Variants in PAM observed in about 807,000 individuals in gnomAD.
The protein encoded by PAM is peptidyl-glycine alpha-amidating monooxygenase.
A neutral mutation model predicts 122.1 loss-of-function variants in PAM; 72 were observed. The ratio of observed to expected loss-of-function variants is 0.59; its 90% CI spans 0.49 to 0.72. The LOEUF (loss-of-function observed/expected upper bound fraction) is 0.72. PAM is among the 30% of genes least tolerant of loss of function. The probability of loss-of-function intolerance (pLI) is 0.00; values close to 1 mark genes in which losing one functional copy is unlikely to be tolerated. For missense variants in PAM, 1,106 were observed against 1,183.7 expected (o/e 0.93, Z 0.96); for synonymous variants, 389 against 404.4 (o/e 0.96, Z 0.46).
intron 1 of PAM, among the ~76,000 whole-genome samples, chr5:102,816,672 C>T (rs1769919556): frequency 6.6e-6 from 1 of 152,122 alleles, no homozygotes. Flanking sequence ...GGTTTTCCTT[C>T]ACCCTAACTC....
In PAM at chr5:103,019,862, AT is replaced by A; in HGVS notation, c.2485+21del. ...ATCAAAGGTTGGTCAGATTCCTCTT[AT>A]TACTATAAAACCAAAGTCTGGCTGT... On this transcript the variant is annotated intron_variant, in intron 23 of 25. Transcript: ENST00000438793. 1 of 1,534,268 alleles carries A rather than the reference AT, an allele frequency of 6.5e-7. No individual in the cohort carries two copies. Among genetic ancestry groups the A allele is most frequent in the Non-Finnish European group, 9.0e-7 (1 of 1,107,384 alleles).
intron 1 of PAM, among the ~76,000 whole-genome samples, chr5:102,833,128 G>A (rs1775925327): frequency 6.6e-6 from 1 of 152,096 alleles, no homozygotes; most frequent in African/African-American, 2.4e-5. Flanking sequence ...ACTGAAAAGA[G>A]AGAAAAAGTG....
chr5:102,784,650 G>T (rs937768031), intron 1 of PAM, among the ~76,000 whole-genome samples: 1 of 152,090 alleles, frequency 6.6e-6, no homozygotes, highest in Non-Finnish European at 1.5e-5. Context: ...ATGTAGAATT[G>T]AATTAAAAAT....
At chr5:102,780,825 TTCTTTCTTTCTC>T (rs1186378094) in intron 1 of PAM, among the ~76,000 whole-genome samples, 27 of 109,862 alleles carry the variant, frequency 2.5e-4, no homozygotes, top group African/African-American at 7.8e-4. Context: ...CTTTCTTTCT[TTCTTTCTTTCTC>T]TGTCTTTCTC....
At chr5:102,977,368 C>G (rs959035288) in intron 15 of PAM, among the ~76,000 whole-genome samples, 4 of 152,142 alleles carry the variant, frequency 2.6e-5, no homozygotes, top group African/African-American at 9.7e-5. Flanking sequence ...TGACTTAGCC[C>G]AGCTGAGAAA....
intron 1 of PAM, among the ~76,000 whole-genome samples, chr5:102,795,390 T>G (rs1382145976): frequency 6.6e-6 from 1 of 152,124 alleles, no homozygotes; most frequent in African/African-American, 2.4e-5. Flanking sequence ...TGTTTTAAAC[T>G]GCTGTCTAAC....
chr5:102,852,912 T>A (rs751150199), intron 1 of PAM, among the ~76,000 whole-genome samples: 4 of 152,240 alleles, frequency 2.6e-5, no homozygotes, highest in South Asian at 2.1e-4. Context: ...TAAGGTACAT[T>A]TCTTGTCCGT....
intron 3 of PAM, among the ~76,000 whole-genome samples, chr5:102,892,265 C>G (rs1379703151): frequency 6.6e-6 from 1 of 151,832 alleles, no homozygotes; most frequent in African/African-American, 2.4e-5. Context: ...GAAATAAAGG[C>G]AACATGCTGA....
At chr5:102,777,287 G>T (rs1242829055) in intron 1 of PAM, among the ~76,000 whole-genome samples, 3 of 152,012 alleles carry the variant, frequency 2.0e-5, no homozygotes, top group Non-Finnish European at 4.4e-5. Context: ...TGACTATGCT[G>T]TTTAAAATTG....
chr5:102,830,041 G>T (rs1774973749), intron 1 of PAM, among the ~76,000 whole-genome samples: 1 of 152,142 alleles, frequency 6.6e-6, no homozygotes, highest in African/African-American at 2.4e-5. Flanking sequence ...ATGTTTTGGG[G>T]GTCTACCTGC....
chr5:102,855,570 A>G (rs1433079812), intron 1 of PAM, among the ~76,000 whole-genome samples: 1 of 152,198 alleles, frequency 6.6e-6, no homozygotes, highest in African/African-American at 2.4e-5. Context: ...GAGAATACTT[A>G]TTTTGTAACT....
chr5:102,799,903 T>G (rs1346372333), intron 1 of PAM, among the ~76,000 whole-genome samples: 1 of 152,212 alleles, frequency 6.6e-6, no homozygotes, highest in African/African-American at 2.4e-5. Context: ...AAGGTGAGGA[T>G]GGAGAGATTG....
intron 16 of PAM, among the ~76,000 whole-genome samples, chr5:102,998,002 C>G (rs1452431106): frequency 6.6e-6 from 1 of 152,178 alleles, no homozygotes; most frequent in African/African-American, 2.4e-5. Context: ...CTCTGAGACT[C>G]TAATCTTACA....
chr5:102,828,898 T>G (rs1187744903), intron 1 of PAM, among the ~76,000 whole-genome samples: 2 of 149,982 alleles, frequency 1.3e-5, no homozygotes, highest in Non-Finnish European at 3.0e-5. Context: ...CATTTGCATA[T>G]AAGAAATTCC....
At chr5:103,019,761 T>C (rs1432990598) in intron 22 of PAM, 29 bp from the exon 23 acceptor site, 2 of 1,510,878 alleles carry the variant, frequency 1.3e-6, no homozygotes, top group Non-Finnish European at 1.8e-6. Flanking sequence ...AGATTCTGAC[T>C]TTTCTCTCTC....
rs746533605 is a variant in PAM, at chr5:102,819,045, G to A, written c.-373-46778G>A. Reference sequence around the variant, plus strand: ...AGTGAGAGGGCGAAAGAGAATAACTGAGCTGGGAGGATACAAAACAGAAAG... The same window carrying A: ...AGTGAGAGGGCGAAAGAGAATAACTAAGCTGGGAGGATACAAAACAGAAAG... On this transcript the variant is annotated intron_variant, in intron 1 of 25. Coordinates refer to ENST00000438793, the MANE Select transcript of PAM (RefSeq NM_001177306.2). Among the ~76,000 whole-genome samples, 3 of 152,242 alleles carry A rather than the reference G, an allele frequency of 2.0e-5. No homozygotes were observed. The East Asian group carries it at 5.8e-4, about 29-fold the overall frequency.
chr5:102,879,616 C>G (rs1790324883), intron 3 of PAM, among the ~76,000 whole-genome samples: 1 of 152,104 alleles, frequency 6.6e-6, no homozygotes, highest in South Asian at 2.1e-4. Flanking sequence ...GTGCCTACTC[C>G]CCTTTTGCCA....
rs147031366 is a variant in PAM at position 102,806,778 on chromosome 5, C to T, written c.-374+51430C>T. Reference sequence around the variant, plus strand: ...TATGTTTTTGTGAGGGCTGACTTTACTGTTTTGCTTTCAGAATTTTTTCTA... The same window carrying T: ...TATGTTTTTGTGAGGGCTGACTTTATTGTTTTGCTTTCAGAATTTTTTCTA... On this transcript the variant is annotated intron_variant, in intron 1 of 25. Coordinates refer to ENST00000438793, the MANE Select transcript of PAM (RefSeq NM_001177306.2). Among the ~76,000 whole-genome samples, 1,313 of 152,282 alleles carry T rather than the reference C, an allele frequency of 8.6e-3. 19 individuals are homozygous for T. Among genetic ancestry groups the T allele is most frequent in the African/African-American group, 0.03 (1,239 of 41,560 alleles).
At chr5:102,946,065 A>G (rs1756938892) in intron 7 of PAM, among the ~76,000 whole-genome samples, 2 of 152,322 alleles carry the variant, frequency 1.3e-5, no homozygotes, top group South Asian at 4.1e-4. Flanking sequence ...ATCAGCATAG[A>G]GGTTATGGAA....
Sources: allele counts gnomAD v4.1 joint callset (sites outside exome capture counted in the v4.1 genomes callset), GRCh38; gene constraint gnomAD v4.1.1; transcripts MANE v1.5; gene names NCBI Gene and HGNC (gene_info 2026-07-23, HGNC 2026-07-21).